The following ANKRD36 variants were observed in gnomAD, a reference collection of about 807,000 sequenced individuals.
ANKRD36 encodes the protein ankyrin repeat domain-containing protein 36A.
Under a neutral mutation model 278.1 loss-of-function variants are expected in ANKRD36, and 179 were observed. The ratio of observed to expected loss-of-function variants is 0.64; its 90% CI spans 0.57 to 0.73. The LOEUF (loss-of-function observed/expected upper bound fraction) is 0.73. Ranked by LOEUF, ANKRD36 falls within the 30% of genes least tolerant of loss-of-function variation. The pLI, the probability that ANKRD36 is intolerant of heterozygous loss-of-function variation, is 0.00. For missense variants in ANKRD36, 1,159 were observed against 1,956.7 expected (o/e 0.59, Z 7.69); for synonymous variants, 320 against 641.1 (o/e 0.50, Z 7.57).
chr2:97,118,520 A>G lies in ANKRD36; in HGVS notation c.486+3A>G, dbSNP rs2036125234. Reference sequence around the variant, plus strand: ...CAAATATTGAAGAATGCAGCAAGGTATAGGTCAACCAATGTTATTTTCAAA... The same window carrying G: ...CAAATATTGAAGAATGCAGCAAGGTGTAGGTCAACCAATGTTATTTTCAAA... On this transcript the variant is annotated splice_donor_region_variant and intron_variant, in intron 3 of 75. Transcript: ENST00000420699. The G allele has an allele frequency of 4.5e-6, 7 of 1,559,958 alleles. No individual in the cohort carries two copies. The East Asian group carries it at 1.6e-4, about 35-fold the overall frequency.
intron 15 of ANKRD36, among the ~76,000 whole-genome samples, chr2:97,155,816 A>G (rs1301806286): frequency 6.1e-5 from 9 of 146,610 alleles, no homozygotes; most frequent in Admixed American, 6.1e-4. Context: ...TATGTATCTT[A>G]AGCACCCAGA....
At chr2:97,184,885 G>T (rs1207686947) in intron 28 of ANKRD36, among the ~76,000 whole-genome samples, 1 of 151,704 alleles carries the variant, frequency 6.6e-6, no homozygotes, top group Non-Finnish European at 1.5e-5. Context: ...CAGTTATCAG[G>T]CAAGTTAGAG....
intron 28 of ANKRD36, 74 bp downstream of exon 28, chr2:97,183,728 GT>G (rs2056789031): frequency 6.8e-7 from 1 of 1,467,396 alleles, no homozygotes; most frequent in Non-Finnish European, 9.2e-7. Context: ...GAATAGATCA[GT>G]GGGGTGTCAT....
intron 22 of ANKRD36, among the ~76,000 whole-genome samples, chr2:97,177,779 T>C (rs1322496845): frequency 6.6e-6 from 1 of 151,942 alleles, no homozygotes; most frequent in African/African-American, 2.4e-5. Flanking sequence ...AAGGACTTCA[T>C]GTCTAAAACA....
intron 67 of ANKRD36, among the ~76,000 whole-genome samples, chr2:97,231,297 A>C (rs1576440525): frequency 6.6e-6 from 1 of 152,140 alleles, no homozygotes; most frequent in Non-Finnish European, 1.5e-5. Context: ...GGCTCCACCC[A>C]GTTCAAGCTG....
chr2:97,117,543 A>G (rs1487778628), intron 1 of ANKRD36, among the ~76,000 whole-genome samples: 4 of 152,090 alleles, frequency 2.6e-5, no homozygotes, highest in Non-Finnish European at 5.9e-5. Context: ...AGTAGCTTAT[A>G]TAAGAGAATG....
chr2:97,195,126 A>G (rs1240809382), intron 40 of ANKRD36, among the ~76,000 whole-genome samples: 1 of 151,972 alleles, frequency 6.6e-6, no homozygotes, highest in Non-Finnish European at 1.5e-5. Flanking sequence ...CCACATTACA[A>G]TTGGGAGGAA....
chr2:97,184,555 T>C (rs540298832), intron 28 of ANKRD36, among the ~76,000 whole-genome samples: 1 of 151,726 alleles, frequency 6.6e-6, no homozygotes, highest in African/African-American at 2.4e-5. Context: ...TGGACTGATA[T>C]CCAAATGTAA....
At chr2:97,135,752 G>A (rs2041331319) in intron 6 of ANKRD36, among the ~76,000 whole-genome samples, 1 of 151,722 alleles carries the variant, frequency 6.6e-6, no homozygotes, top group East Asian at 1.9e-4. Context: ...TTCACATCTT[G>A]GGCAGACTGG....
intron 1 of ANKRD36, among the ~76,000 whole-genome samples, chr2:97,114,177 G>C: frequency 9.8e-6 from 1 of 101,990 alleles, no homozygotes; most frequent in East Asian, 2.9e-4. Flanking sequence ...CATGGGGTGG[G>C]GGCGTGAATG....
At chr2:97,128,984 C>T (rs1248013501) in intron 6 of ANKRD36, among the ~76,000 whole-genome samples, 1 of 152,002 alleles carries the variant, frequency 6.6e-6, no homozygotes, top group Non-Finnish European at 1.5e-5. Flanking sequence ...GGGTATATAC[C>T]CAGTAATGGG....
In ANKRD36 at chr2:97,202,316, T is replaced by G; in HGVS notation, c.2887-5T>G. The stretch of plus-strand genomic sequence containing the variant: ...ATTTATTATTTCGTTTTAAATTCCA[T>G]TCAGGGTACAAGTGACGAGGAAGAT... On this transcript the variant is annotated splice_region_variant and splice_polypyrimidine_tract_variant and intron_variant, in intron 47 of 75. Coordinates refer to ENST00000420699, the MANE Select transcript of ANKRD36 (RefSeq NM_001354587.1). 6.3e-7 allele frequency: 1 copy of G among 1,581,158 alleles called. No homozygotes were observed. Among genetic ancestry groups the G allele is most frequent in the Non-Finnish European group, 8.6e-7 (1 of 1,167,952 alleles).
At chr2:97,222,438 C>G (rs1170238606) in intron 66 of ANKRD36, among the ~76,000 whole-genome samples, 1 of 152,058 alleles carries the variant, frequency 6.6e-6, no homozygotes, top group African/African-American at 2.4e-5. Context: ...ATTCACAATG[C>G]CACCAATGGT....
At chr2:97,144,885 G>C (rs1013570036) in intron 10 of ANKRD36, among the ~76,000 whole-genome samples, 173 bp downstream of exon 10, 13 of 151,980 alleles carry the variant, frequency 8.6e-5, no homozygotes, top group African/African-American at 2.9e-4. Flanking sequence ...TTTTGGCCAT[G>C]ATCTGAGTAG....
intron 6 of ANKRD36, among the ~76,000 whole-genome samples, chr2:97,139,054 T>G (rs1303901101): frequency 6.6e-6 from 1 of 151,940 alleles, no homozygotes; most frequent in Non-Finnish European, 1.5e-5. Context: ...AAAAGCAATG[T>G]CAACAAAAGC....
chr2:97,127,827 A>G (rs2039014785), intron 6 of ANKRD36, among the ~76,000 whole-genome samples: 2 of 152,088 alleles, frequency 1.3e-5, no homozygotes, highest in South Asian at 4.2e-4. Context: ...TGTTTTACTT[A>G]ATTTTTTATT....
chr2:97,217,439 T>G, intron 64 of ANKRD36, 67 bp downstream of exon 64: 1 of 1,545,182 alleles, frequency 6.5e-7, no homozygotes, highest in Non-Finnish European at 8.7e-7. Flanking sequence ...CACCCCTGAA[T>G]AGATCAGCAG....
chr2:97,211,787 G>A, intron 58 of ANKRD36, 46 bp downstream of exon 58: 1 of 1,531,718 alleles, frequency 6.5e-7, no homozygotes, highest in Non-Finnish European at 8.8e-7. Context: ...CAGGGTAGAA[G>A]AGAACTTCTC....
intron 12 of ANKRD36, among the ~76,000 whole-genome samples, chr2:97,151,596 A>G (rs2045996418): frequency 6.6e-6 from 1 of 152,310 alleles, no homozygotes; most frequent in African/African-American, 2.4e-5. Flanking sequence ...TTTTTGTCCT[A>G]GTTTGTTGTG....
Sources: gnomAD v4.1 joint callset for allele counts (sites outside exome capture counted in the v4.1 genomes callset) on GRCh38, gnomAD v4.1.1 for gene constraint, MANE v1.5 for transcripts, NCBI Gene and HGNC (gene_info 2026-07-23, HGNC 2026-07-21) for gene names.